Variants in SCFD2 observed in about 807,000 individuals in gnomAD.
SCFD2 encodes sec1 family domain containing 2, also known as sec1 family domain-containing protein 2.
SCFD2 carries 54 observed loss-of-function variants against 58.9 expected under a neutral mutation model. The ratio of observed to expected loss-of-function variants is 0.92; its 90% CI spans 0.74 to 1.15. SCFD2 has a LOEUF of 1.15. Among genes scored for constraint, SCFD2 ranks in the 50% most tolerant of loss-of-function variants. The pLI is 0.00. For missense variants in SCFD2, 805 were observed against 836.6 expected (o/e 0.96, Z 0.47); for synonymous variants, 321 against 335.9 (o/e 0.96, Z 0.49).
chr4:53,214,215 C>G (rs959603652), intron 4 of SCFD2, among the ~76,000 whole-genome samples: 6 of 152,094 alleles, frequency 3.9e-5, no homozygotes, highest in Non-Finnish European at 7.3e-5. Flanking sequence ...GTTCCAGATC[C>G]CTGAGGAATC....
intron 5 of SCFD2, among the ~76,000 whole-genome samples, chr4:53,030,486 G>C (rs140097394): frequency 6.6e-6 from 1 of 151,774 alleles, no homozygotes; most frequent in African/African-American, 2.4e-5. Context: ...GCAGTGGCGC[G>C]ATCTCAGCTC....
intron 4 of SCFD2, among the ~76,000 whole-genome samples, chr4:53,150,357 G>A (rs1306968008): frequency 1.3e-5 from 2 of 152,182 alleles, no homozygotes; most frequent in African/African-American, 2.4e-5. Context: ...GAGAGGCAGG[G>A]TGGTCATCTG....
At chr4:52,997,820 C>T (rs539216559) in intron 5 of SCFD2, among the ~76,000 whole-genome samples, 54 of 152,230 alleles carry the variant, frequency 3.5e-4, no homozygotes, top group African/African-American at 1.3e-3. Flanking sequence ...GTCTTCTATG[C>T]CTATATCCCT....
chr4:53,301,040 C>T (rs1732264002), intron 3 of SCFD2, among the ~76,000 whole-genome samples: 1 of 152,110 alleles, frequency 6.6e-6, no homozygotes, highest in African/African-American at 2.4e-5. Flanking sequence ...ATTAAAAGAA[C>T]TAGAGAAGCA....
At chr4:52,927,077 A>G (rs1294620833) in intron 5 of SCFD2, among the ~76,000 whole-genome samples, 1 of 152,186 alleles carries the variant, frequency 6.6e-6, no homozygotes, top group Non-Finnish European at 1.5e-5. Flanking sequence ...TGCATAAGGC[A>G]AATAAACAAC....
At chr4:53,016,904 C>A (rs879684473) in intron 5 of SCFD2, among the ~76,000 whole-genome samples, 5 of 152,116 alleles carry the variant, frequency 3.3e-5, no homozygotes, top group Non-Finnish European at 7.4e-5. Context: ...GTCAGGAGTT[C>A]GAGACCATCC....
At chr4:52,909,639 T>A (rs1261856813) in intron 6 of SCFD2, among the ~76,000 whole-genome samples, 1 of 152,154 alleles carries the variant, frequency 6.6e-6, no homozygotes, top group African/African-American at 2.4e-5. Context: ...TACAGCACAG[T>A]TTAAAGCACC....
chr4:53,049,056 C>T (rs1369982720), intron 5 of SCFD2, among the ~76,000 whole-genome samples: 5 of 152,288 alleles, frequency 3.3e-5, no homozygotes, highest in Non-Finnish European at 7.4e-5. Context: ...AATTGGAAAA[C>T]GTGTCCCAAA....
At chr4:53,167,115 C>T (rs773349412) in intron 4 of SCFD2, among the ~76,000 whole-genome samples, 14 of 152,116 alleles carry the variant, frequency 9.2e-5, no homozygotes, top group East Asian at 3.8e-4. Flanking sequence ...CTTTCTTTAC[C>T]GGACAATTCC....
intron 3 of SCFD2, among the ~76,000 whole-genome samples, chr4:53,284,074 G>A (rs189950811): frequency 3.4e-5 from 5 of 148,544 alleles, no homozygotes; most frequent in Non-Finnish European, 5.9e-5. Context: ...AGCCGAGATC[G>A]TGCCACTGTA....
At chr4:53,025,687 G>C (rs1423756948) in intron 5 of SCFD2, among the ~76,000 whole-genome samples, 2 of 152,168 alleles carry the variant, frequency 1.3e-5, no homozygotes, top group African/African-American at 4.8e-5. Context: ...TTTTGAAAAA[G>C]CTATTCAATT....
chr4:52,960,692 A>G (rs1035334084), intron 5 of SCFD2, among the ~76,000 whole-genome samples: 1 of 143,438 alleles, frequency 7.0e-6, no homozygotes, highest in Non-Finnish European at 1.5e-5. Flanking sequence ...TTTTCCACGC[A>G]CCTCATTTCT....
chr4:53,288,090 A>T (rs966999274), intron 3 of SCFD2, among the ~76,000 whole-genome samples: 1 of 151,970 alleles, frequency 6.6e-6, no homozygotes, highest in Non-Finnish European at 1.5e-5. Context: ...AATAATAATA[A>T]ACTATAAAAA....
At chr4:53,361,857 C>T (rs1734557303) in intron 1 of SCFD2, among the ~76,000 whole-genome samples, 1 of 152,094 alleles carries the variant, frequency 6.6e-6, no homozygotes, top group Non-Finnish European at 1.5e-5. Context: ...ATCTCGGAAA[C>T]ATTTTCAATT....
intron 4 of SCFD2, among the ~76,000 whole-genome samples, chr4:53,196,651 T>C (rs765230504): frequency 4.0e-5 from 6 of 150,044 alleles, no homozygotes; most frequent in Non-Finnish European, 8.8e-5. Context: ...ATTCATATGA[T>C]AAGTGGCTTT....
intron 2 of SCFD2, among the ~76,000 whole-genome samples, chr4:53,325,984 A>G (rs1162664296): frequency 2.0e-5 from 3 of 152,230 alleles, no homozygotes; most frequent in Non-Finnish European, 4.4e-5. Context: ...AGCTGAGTTT[A>G]TGCAAAATAT....
chr4:53,321,220 G>A (rs930423088), intron 2 of SCFD2, among the ~76,000 whole-genome samples: 2 of 151,952 alleles, frequency 1.3e-5, no homozygotes, highest in African/African-American at 4.8e-5. Flanking sequence ...TTCATTCCTG[G>A]CTCTTTATTC....
At chr4:53,058,806 C>T (rs1374059107) in intron 5 of SCFD2, among the ~76,000 whole-genome samples, 3 of 151,986 alleles carry the variant, frequency 2.0e-5, no homozygotes, top group Admixed American at 6.6e-5. Context: ...TCTGCTTATC[C>T]CCAGAACCCC....
At chr4:52,948,153 A>G (rs2930104) in intron 5 of SCFD2, 15,801 of 180,276 alleles carry the variant, frequency 0.088, 1,234 homozygotes, top group African/African-American at 0.22. Flanking sequence ...GGGAGAGTGT[A>G]GTGTTGTAAA....
Sources: allele counts gnomAD v4.1 joint callset (sites outside exome capture counted in the v4.1 genomes callset), GRCh38; gene constraint gnomAD v4.1.1; transcripts MANE v1.5; gene names NCBI Gene and HGNC (gene_info 2026-07-23, HGNC 2026-07-21).